The following CAPZA1 variants were observed in gnomAD, a reference collection of about 807,000 sequenced individuals.
The protein encoded by CAPZA1 is capping actin protein of muscle Z-line subunit alpha 1.
CAPZA1 carries 10 observed loss-of-function variants against 40.8 expected under a neutral mutation model. The observed-to-expected ratio is 0.25, with a 90% CI of 0.15 to 0.42. The LOEUF (loss-of-function observed/expected upper bound fraction) is 0.42, where lower values mean the gene tolerates loss of function less well. Among genes scored for constraint, CAPZA1 ranks in the 10% least tolerant of loss-of-function variants. CAPZA1 has a pLI of 1.00. For synonymous variants in CAPZA1, 98 were observed against 115.0 expected (o/e 0.85, Z 0.95); for missense variants, 277 against 353.8 (o/e 0.78, Z 1.74).
rs745981810 is a variant in CAPZA1 at position 112,667,085 on chromosome 1, T to C, written c.597T>C (p.Tyr199=). ...ATTGTCTCACACAGGTTCACTATTA[T>C]GAAGATGGCAATGTTCAGTTGGTTA... ...VGVLKIQVHY[Y]EDGNVQLVSH... Residue 199 remains tyrosine (Y), a synonymous_variant, in exon 8 of 10, where the codon TAT becomes TAC. Coordinates refer to ENST00000263168, the MANE Select transcript of CAPZA1 (RefSeq NM_006135.3). 9 of 1,612,168 alleles carry C rather than the reference T, an allele frequency of 5.6e-6. No homozygotes were observed. Among genetic ancestry groups the C allele is most frequent in the East Asian group, 2.2e-5 (1 of 44,784 alleles).
intron 2 of CAPZA1, 109 bp downstream of exon 2, chr1:112,647,382 A>G: frequency 3.5e-6 from 2 of 568,010 alleles, no homozygotes; most frequent in East Asian, 6.2e-5. Context: ...AAGTAAATCA[A>G]GATTCAAAAA....
chr1:112,659,795 G>A lies in CAPZA1; in HGVS notation c.585+16G>A, dbSNP rs2932536. ...TAAGATTCAGGTGAGATTCCAACAT[G>A]TTTATAGACTTAAAACTTCACATCT... is the stretch of plus-strand genomic sequence containing the variant. On this transcript the variant is annotated intron_variant, in intron 7 of 9. Coordinates refer to ENST00000263168, the MANE Select transcript of CAPZA1 (RefSeq NM_006135.3). 823,110 of 1,592,190 alleles carry A rather than the reference G, an allele frequency of 0.52. 215,684 individuals are homozygous for A. The highest frequency in any genetic ancestry group is 0.64 in the South Asian group (57,438 of 90,278).
chr1:112,669,387 T>G (rs1557739737), intron 8 of CAPZA1, among the ~76,000 whole-genome samples, 156 bp from the exon 9 acceptor site: 1 of 152,102 alleles, frequency 6.6e-6, no homozygotes, highest in Non-Finnish European at 1.5e-5. Context: ...TTCCATAGAG[T>G]TGTTGTGAGA....
At chr1:112,621,969 G>C (rs1271028325) in intron 1 of CAPZA1, among the ~76,000 whole-genome samples, 1 of 151,424 alleles carries the variant, frequency 6.6e-6, no homozygotes, top group Non-Finnish European at 1.5e-5. Flanking sequence ...CACTATGTTG[G>C]CCAGGCTGGT....
intron 7 of CAPZA1, among the ~76,000 whole-genome samples, chr1:112,660,838 CTTTTTT>C (rs67876993): frequency 2.9e-4 from 19 of 66,012 alleles, no homozygotes; most frequent in Non-Finnish European, 4.7e-4. Context: ...CAAGAGTTGT[CTTTTTT>C]TTTTTTTTTT....
chr1:112,659,177 C>T, intron 6 of CAPZA1, 76 bp downstream of exon 6: 1 of 923,132 alleles, frequency 1.1e-6, no homozygotes, highest in Non-Finnish European at 1.8e-6. Context: ...ATCCAACTAG[C>T]TTGGAATAAT....
At position 112,638,897 on chromosome 1, in the gene CAPZA1, CATAGATATAGAT is replaced by C. The variant is rs71084484; in HGVS notation, c.40-8284_40-8273del. On this transcript the variant is annotated intron_variant, in intron 1 of 9. Transcript: ENST00000263168. ...CGGCCTGGGCAACAGAGCGAGACTC[CATAGATATAGAT>C]ATAGATATAGATATAGATATAGATA... is the stretch of plus-strand genomic sequence containing the variant. Among the ~76,000 whole-genome samples, 645 of 139,134 alleles carry C rather than the reference CATAGATATAGAT, an allele frequency of 4.6e-3. 5 individuals are homozygous for C. Among genetic ancestry groups the C allele is most frequent in the South Asian group, 0.019 (87 of 4,534 alleles). 91.3% of individuals were successfully genotyped at this position (139,134 alleles called of 152,430 possible).
chr1:112,670,077 T>C lies in CAPZA1; in HGVS notation c.806T>C (p.Ile269Thr). 5 of 1,613,914 alleles carry C rather than the reference T, an allele frequency of 3.1e-6. No individual in the cohort carries two copies. The highest frequency in any genetic ancestry group is 4.2e-6 in the Non-Finnish European group (5 of 1,179,854). The change falls in exon 10 of 10, where the codon ATC becomes ACC. Residue 269 changes from isoleucine to threonine, a missense_variant. Ile to Thr is a moderately conservative substitution (Grantham distance 89). Around this residue, in one of 2 missense-constraint regions of CAPZA1, gnomAD observed 192 missense variants for 277.2 expected, o/e 0.69. Transcript: ENST00000263168. The part of the protein sequence containing the change: ...RRQLPVTRTK[I>T]DWNKILSYKI... ...CAGCTTCCAGTTACCCGCACCAAAA[T>C]CGACTGGAACAAGATACTCAGCTAC...
At chr1:112,635,465 T>C (rs1454939208) in intron 1 of CAPZA1, among the ~76,000 whole-genome samples, 1 of 152,184 alleles carries the variant, frequency 6.6e-6, no homozygotes, top group African/African-American at 2.4e-5. Flanking sequence ...TTCTCCCTTT[T>C]CTGTCTAGAA....
At chr1:112,624,814 T>G (rs1225070458) in intron 1 of CAPZA1, among the ~76,000 whole-genome samples, 1 of 152,070 alleles carries the variant, frequency 6.6e-6, no homozygotes, top group Non-Finnish European at 1.5e-5. Context: ...CAAGAAAATT[T>G]AATTAACTAT....
intron 1 of CAPZA1, among the ~76,000 whole-genome samples, chr1:112,622,770 T>C (rs1324272534): frequency 6.6e-6 from 1 of 152,230 alleles, no homozygotes; most frequent in Non-Finnish European, 1.5e-5. Flanking sequence ...GGTAGTGGTG[T>C]TAAGGCATTT....
intron 1 of CAPZA1, among the ~76,000 whole-genome samples, chr1:112,622,883 CTT>C (rs1185251876): frequency 9.7e-4 from 136 of 139,552 alleles, no homozygotes; most frequent in African/African-American, 2.5e-3. Flanking sequence ...ATATTTTATA[CTT>C]TTTTTTTTTT....
At chr1:112,661,268 G>T (rs184511556) in intron 7 of CAPZA1, among the ~76,000 whole-genome samples, 108 of 152,294 alleles carry the variant, frequency 7.1e-4, no homozygotes, top group African/African-American at 2.5e-3. Flanking sequence ...ACAGGCTGGT[G>T]TTGAGTTCAC....
In CAPZA1 at chr1:112,670,365, T is replaced by TC. The variant is rs1553181443; in HGVS notation, c.*233_*234insC. 5.6e-6 allele frequency: 2 copies of TC among 356,402 alleles called. No individual in the cohort carries two copies. Among genetic ancestry groups the TC allele is most frequent in the East Asian group, 5.2e-5 (1 of 19,242 alleles). The allele number at this position is 356,402 out of a possible 1,614,324, so 22.1% of individuals were successfully genotyped here. ...ATCTACGTGTAAATCTTTTTTTCTT[T>TC]TTTTTTTTTTTTTTTTGGTTAATTC... On this transcript the variant is annotated 3_prime_UTR_variant, in exon 10 of 10. Coordinates refer to ENST00000263168, the MANE Select transcript of CAPZA1 (RefSeq NM_006135.3).
chr1:112,644,155 G>C (rs190435990), intron 1 of CAPZA1, among the ~76,000 whole-genome samples: 29 of 90,358 alleles, frequency 3.2e-4, no homozygotes, highest in African/African-American at 6.8e-4. Context: ...CAAATTGCTG[G>C]GTTTTTTTTT....
chr1:112,621,951 C>CG (rs1158194271), intron 1 of CAPZA1, among the ~76,000 whole-genome samples: 1 of 151,514 alleles, frequency 6.6e-6, no homozygotes, highest in South Asian at 2.1e-4. Context: ...TTAGTAGAGA[C>CG]GGGGTTTCAC....
At position 112,669,620 on chromosome 1, in the gene CAPZA1, A is replaced by G. The variant is rs1047132666; in HGVS notation, c.720+15A>G. The G allele has an allele frequency of 1.3e-6, 2 of 1,556,060 alleles. No homozygotes were observed. The highest frequency in any genetic ancestry group is 3.4e-5 in the Admixed American group (2 of 59,510). ...ATGAGTATCAGGTAAGAAGATTTGG[A>G]GTTAATTTTCCTAGATCTACTATCT... is the stretch of plus-strand genomic sequence containing the variant. On this transcript the variant is annotated intron_variant, in intron 9 of 9. Transcript: ENST00000263168.
At chr1:112,636,710 C>T (rs1224598747) in intron 1 of CAPZA1, among the ~76,000 whole-genome samples, 3 of 152,108 alleles carry the variant, frequency 2.0e-5, no homozygotes, top group Non-Finnish European at 4.4e-5. Context: ...CATACCTCCC[C>T]TTTATGGGAG....
chr1:112,631,535 T>C (rs769706509), intron 1 of CAPZA1, among the ~76,000 whole-genome samples: 2 of 152,168 alleles, frequency 1.3e-5, no homozygotes, highest in Non-Finnish European at 2.9e-5. Flanking sequence ...TAAAAAGATA[T>C]ACTTTAAGTT....
Sources: gnomAD v4.1 joint callset for allele counts (sites outside exome capture counted in the v4.1 genomes callset) on GRCh38, gnomAD v4.1.1 for gene constraint, gnomAD v4.1.1 regional missense constraint, MANE v1.5 for transcripts, NCBI Gene and HGNC (gene_info 2026-07-23, HGNC 2026-07-21) for gene names.